The following RIMS2 variants were observed in gnomAD, a reference collection of about 807,000 sequenced individuals.
RIMS2 encodes regulating synaptic membrane exocytosis protein 2.
In RIMS2, 59 loss-of-function variants were observed where a neutral mutation model predicts 174.4. The observed-to-expected ratio is 0.34, with a 90% confidence interval of 0.27 to 0.42. RIMS2 has a LOEUF of 0.42. RIMS2 is among the 10% of genes least tolerant of loss of function. The probability of loss-of-function intolerance (pLI) is 1.00; values close to 1 mark genes in which losing one functional copy is unlikely to be tolerated. For missense variants in RIMS2, 1,620 were observed against 1,666.3 expected, an observed-to-expected ratio of 0.97 and a Z score of 0.48; for synonymous variants, 606 against 572.5, an observed-to-expected ratio of 1.06 and a Z score of -0.84.
At chr8:104,100,937 A>T (rs1465454936) in intron 19 of RIMS2, among the ~76,000 whole-genome samples, 2 of 108,656 alleles carry the variant, frequency 1.8e-5, no homozygotes, top group African/African-American at 8.7e-5. Flanking sequence ...GTGATATATT[A>T]TATATTATAT....
At chr8:103,921,057 T>C in intron 9 of RIMS2, 1 of 212,248 alleles carries the variant, frequency 4.7e-6, no homozygotes, top group Non-Finnish European at 9.5e-6. Context: ...AAAACAGGTC[T>C]TCCCCAGTGT....
chr8:103,972,713 C>T (rs1004651749), intron 15 of RIMS2, among the ~76,000 whole-genome samples: 2 of 152,112 alleles, frequency 1.3e-5, no homozygotes, highest in Non-Finnish European at 2.9e-5. Flanking sequence ...CTGTGTTTAT[C>T]AGCTTGGAAA....
At chr8:104,001,821 A>G (rs2095402001) in intron 17 of RIMS2, among the ~76,000 whole-genome samples, 1 of 151,844 alleles carries the variant, frequency 6.6e-6, no homozygotes, top group African/African-American at 2.4e-5. Flanking sequence ...TTATTTTTAT[A>G]TCTTGTACCT....
At chr8:103,611,944 T>C (rs1589004541) in intron 1 of RIMS2, among the ~76,000 whole-genome samples, 1 of 151,548 alleles carries the variant, frequency 6.6e-6, no homozygotes, top group South Asian at 2.1e-4. Flanking sequence ...TTCTAGATCT[T>C]GTAGGCATAC....
intron 1 of RIMS2, among the ~76,000 whole-genome samples, chr8:103,688,412 G>A (rs1023524993): frequency 1.3e-5 from 2 of 152,026 alleles, no homozygotes; most frequent in African/African-American, 4.8e-5. Context: ...AATTGTATAT[G>A]TTGAACTATC....
chr8:104,235,891 AT>A (rs769252705), intron 19 of RIMS2, among the ~76,000 whole-genome samples: 3 of 152,098 alleles, frequency 2.0e-5, no homozygotes, highest in Non-Finnish European at 4.4e-5. Context: ...CCCCAAAAAA[AT>A]GTTTTTTAAA....
At chr8:103,698,371 T>G (rs528209611) in intron 2 of RIMS2, among the ~76,000 whole-genome samples, 1 of 152,324 alleles carries the variant, frequency 6.6e-6, no homozygotes, top group African/African-American at 2.4e-5. Context: ...TAAAGTTAGC[T>G]GTACGCTTTT....
intron 19 of RIMS2, among the ~76,000 whole-genome samples, chr8:104,225,053 T>G (rs1362669958): frequency 1.3e-5 from 2 of 152,244 alleles, no homozygotes; most frequent in African/African-American, 4.8e-5. Flanking sequence ...TTCTAGGAAA[T>G]GTAAACAAGT....
At chr8:103,585,750 G>T (rs1322177079) in intron 1 of RIMS2, among the ~76,000 whole-genome samples, 3 of 151,810 alleles carry the variant, frequency 2.0e-5, no homozygotes, top group African/African-American at 4.8e-5. Flanking sequence ...CAAGGGGAGG[G>T]AGTGCATTAA....
At chr8:103,512,356 G>A (rs142484524) in intron 1 of RIMS2, among the ~76,000 whole-genome samples, 1 of 152,132 alleles carries the variant, frequency 6.6e-6, no homozygotes, top group East Asian at 1.9e-4. Flanking sequence ...ATTTATAGTA[G>A]GCTATGTTAT....
chr8:103,610,606 G>A (rs961928071), intron 1 of RIMS2, among the ~76,000 whole-genome samples: 1 of 152,074 alleles, frequency 6.6e-6, no homozygotes, highest in East Asian at 1.9e-4. Flanking sequence ...TTTGTTTATA[G>A]TCCTGTTTAT....
In RIMS2 at chr8:103,608,309, T is replaced by C. The variant is rs1301010247; in HGVS notation, c.177-88777T>C. Reference sequence around the variant, plus strand: ...GGGGGGTGCCTCCCAGTTAGGCTGCTCGGGGGTCAGGGACCCACTTGAGGA... The same window carrying C: ...GGGGGGTGCCTCCCAGTTAGGCTGCCCGGGGGTCAGGGACCCACTTGAGGA... On this transcript the variant is annotated intron_variant, in intron 1 of 23. Transcript: ENST00000504942. Among the ~76,000 whole-genome samples, 2 of 143,660 alleles carry C rather than the reference T, an allele frequency of 1.4e-5. 1 individual carries two copies. The highest frequency in any genetic ancestry group is 3.1e-5 in the Non-Finnish European group (2 of 65,428). 94.2% of individuals were successfully genotyped at this position (143,660 alleles called of 152,430 possible). A position where few individuals can be genotyped will look rare whatever the true frequency, so the allele number is the denominator to read the frequency against.
At chr8:104,114,788 T>G (rs919553693) in intron 19 of RIMS2, among the ~76,000 whole-genome samples, 1 of 151,968 alleles carries the variant, frequency 6.6e-6, no homozygotes, top group African/African-American at 2.4e-5. Flanking sequence ...TCAATATGCT[T>G]ACAGTATTTT....
chr8:104,112,202 T>TA (rs1306048826), intron 19 of RIMS2, among the ~76,000 whole-genome samples: 2 of 152,166 alleles, frequency 1.3e-5, no homozygotes, highest in African/African-American at 4.8e-5. Flanking sequence ...GAGTGAATGT[T>TA]ATAAGGAGAT....
intron 19 of RIMS2, among the ~76,000 whole-genome samples, chr8:104,062,864 AAGAT>A (rs2097028429): frequency 6.6e-6 from 1 of 152,122 alleles, no homozygotes; most frequent in Non-Finnish European, 1.5e-5. Context: ...AAAATGTAAT[AAGAT>A]AGTTATCAAA....
intron 1 of RIMS2, among the ~76,000 whole-genome samples, chr8:103,587,455 A>C (rs529903401): frequency 0.012 from 1,437 of 123,210 alleles, 28 homozygotes; most frequent in Middle Eastern, 0.089. Context: ...AAAGAAAGAA[A>C]GAAAGAAAGA....
chr8:103,861,984 A>T (rs1055603736), intron 3 of RIMS2, among the ~76,000 whole-genome samples: 1 of 151,752 alleles, frequency 6.6e-6, no homozygotes, highest in African/African-American at 2.4e-5. Context: ...TTTTTAGTTT[A>T]ATTTTATTAT....
Position 104,013,459 on chromosome 8 carries a change from A to G in RIMS2, c.3062A>G (p.Asp1021Gly). The stretch of plus-strand genomic sequence containing the variant: ...CGTTTCAGGGATTGTGAAGCAGCAG[A>G]TAGACAGCCATATCACAGATCCAGA... The change falls in exon 18 of 24, where the codon GAT becomes GGT. Residue 1021 changes from aspartate (D) to glycine (G), a missense_variant. Physicochemically the swap from Asp to Gly is moderately conservative, Grantham distance 94 (BLOSUM62 -1). Transcript: ENST00000504942. 1 of 1,613,706 alleles carries G rather than the reference A, an allele frequency of 6.2e-7. No homozygotes were observed. The highest frequency in any genetic ancestry group is 1.1e-5 in the South Asian group (1 of 91,054).
At chr8:103,860,809 T>C (rs964422485) in intron 3 of RIMS2, among the ~76,000 whole-genome samples, 2 of 151,660 alleles carry the variant, frequency 1.3e-5, no homozygotes, top group African/African-American at 4.8e-5. Flanking sequence ...CCCTACAAAA[T>C]AATTTTAATA....
Sources: allele counts gnomAD v4.1 joint callset (sites outside exome capture counted in the v4.1 genomes callset), GRCh38; gene constraint gnomAD v4.1.1; transcripts MANE v1.5; gene names NCBI Gene and HGNC (gene_info 2026-07-23, HGNC 2026-07-21).